Variants in ERBB4 observed in about 807,000 individuals in gnomAD.
ERBB4 encodes the protein erb-b2 receptor tyrosine kinase 4, also known as receptor tyrosine-protein kinase erbB-4.
In ERBB4, 42 loss-of-function variants were observed where a neutral mutation model predicts 158.0. The observed-to-expected ratio is 0.27, with a 90% confidence interval of 0.21 to 0.34. ERBB4 has a LOEUF of 0.34. ERBB4 is among the 10% of genes least tolerant of loss of function. The pLI, the probability that ERBB4 is intolerant of heterozygous loss-of-function variation, is 1.00. For missense variants in ERBB4, 1,333 were observed against 1,624.1 expected (o/e 0.82, Z 3.08); for synonymous variants, 583 against 558.7 (o/e 1.04, Z -0.61).
intron 3 of ERBB4, among the ~76,000 whole-genome samples, chr2:211,936,997 CTATGT>C (rs1224574238): frequency 6.6e-6 from 1 of 152,058 alleles, no homozygotes; most frequent in East Asian, 1.9e-4. Flanking sequence ...ATTACAATAG[CTATGT>C]TATAATTCTA....
intron 13 of ERBB4, among the ~76,000 whole-genome samples, chr2:211,676,601 A>T (rs2072082718): frequency 6.6e-6 from 1 of 152,218 alleles, no homozygotes; most frequent in South Asian, 2.1e-4. Flanking sequence ...ATGAAAAATC[A>T]GATACCTTAC....
chr2:211,782,421 A>G (rs2076058534), intron 4 of ERBB4, among the ~76,000 whole-genome samples: 1 of 109,868 alleles, frequency 9.1e-6, no homozygotes, highest in Non-Finnish European at 1.8e-5. Flanking sequence ...GTCACCTAGC[A>G]GCTTAGCTGT....
At chr2:212,151,059 A>T (rs1315153104) in intron 1 of ERBB4, among the ~76,000 whole-genome samples, 1 of 152,088 alleles carries the variant, frequency 6.6e-6, no homozygotes, top group East Asian at 1.9e-4. Flanking sequence ...TCAATATTTC[A>T]TATATTAAAT....
intron 7 of ERBB4, among the ~76,000 whole-genome samples, chr2:211,715,557 C>T (rs1285629904): frequency 6.6e-6 from 1 of 152,138 alleles, no homozygotes; most frequent in East Asian, 1.9e-4. Flanking sequence ...GGGGTGTGAC[C>T]TGGAGGGAGG....
intron 20 of ERBB4, among the ~76,000 whole-genome samples, chr2:211,525,559 T>C (rs1463576698): frequency 6.6e-6 from 1 of 152,180 alleles, no homozygotes; most frequent in East Asian, 1.9e-4. Flanking sequence ...TAGTATGCCA[T>C]GGGCCTTAGA....
At chr2:212,192,941 T>C (rs1332051583) in intron 1 of ERBB4, among the ~76,000 whole-genome samples, 1 of 152,162 alleles carries the variant, frequency 6.6e-6, no homozygotes, top group Non-Finnish European at 1.5e-5. Context: ...CTAAACCGTA[T>C]TGATCCAAGA....
rs192988581 is a variant in ERBB4 at position 211,620,628 on chromosome 2, C to T, written c.2203-1353G>A. 8.0e-4 allele frequency among the ~76,000 whole-genome samples: 121 copies of T among 151,872 alleles called. 1 individual carries two copies. Among genetic ancestry groups the T allele is most frequent in the African/African-American group, 2.8e-3 (114 of 41,420 alleles). On this transcript the variant is annotated intron_variant, in intron 18 of 27. Transcript: ENST00000342788. ...GCAAAATAATAAGCCAAGTTCCTTG[C>T]AAAAAATTAAAAAGAAAATAAAGCA...
At chr2:212,015,041 AATATATATATATATATATATATATATAT>A (rs58361195) in intron 2 of ERBB4, among the ~76,000 whole-genome samples, 2 of 9,202 alleles carry the variant, frequency 2.2e-4, no homozygotes, top group Admixed American at 2.8e-3. Flanking sequence ...AAAAAAAAAA[AATATATATATATATATATATATATATAT>A]ATATATATAT....
At chr2:212,537,214 G>T (rs1465384340) in intron 1 of ERBB4, among the ~76,000 whole-genome samples, 1 of 152,034 alleles carries the variant, frequency 6.6e-6, no homozygotes, top group East Asian at 1.9e-4. Flanking sequence ...CCCTCCGGGG[G>T]CCTAAAGCGC....
At chr2:212,101,348 T>TACATATATATATATAC (rs1487587628) in intron 2 of ERBB4, among the ~76,000 whole-genome samples, 3 of 94,306 alleles carry the variant, frequency 3.2e-5, no homozygotes, top group South Asian at 2.9e-4. Flanking sequence ...ACACACCCTA[T>TACATATATATATATAC]ACATATATAT....
intron 20 of ERBB4, among the ~76,000 whole-genome samples, chr2:211,450,016 T>C (rs577789158): frequency 6.6e-6 from 1 of 152,340 alleles, no homozygotes; most frequent in African/African-American, 2.4e-5. Flanking sequence ...CTATTATTAT[T>C]TCCATTTTAC....
chr2:212,443,584 T>C (rs543495635), intron 1 of ERBB4, among the ~76,000 whole-genome samples: 5 of 152,312 alleles, frequency 3.3e-5, no homozygotes, highest in South Asian at 4.1e-4. Context: ...GGCCAATTTA[T>C]TGAATGACCA....
intron 3 of ERBB4, among the ~76,000 whole-genome samples, chr2:211,803,250 C>T (rs1444970741): frequency 1.3e-5 from 2 of 152,142 alleles, no homozygotes; most frequent in Non-Finnish European, 2.9e-5. Context: ...CATTATTATT[C>T]ATTTTCAATA....
intron 2 of ERBB4, among the ~76,000 whole-genome samples, chr2:212,079,921 T>C (rs1280947967): frequency 2.6e-5 from 4 of 152,120 alleles, no homozygotes; most frequent in Admixed American, 6.6e-5. Flanking sequence ...TAGGATTATA[T>C]AGTAGACTTT....
chr2:212,250,610 T>G (rs765749776), intron 1 of ERBB4, among the ~76,000 whole-genome samples: 12 of 152,010 alleles, frequency 7.9e-5, no homozygotes, highest in Non-Finnish European at 1.5e-4. Flanking sequence ...TGATACCATC[T>G]GAATTGATAA....
intron 2 of ERBB4, among the ~76,000 whole-genome samples, chr2:212,061,192 C>T (rs1251175098): frequency 6.6e-6 from 1 of 151,634 alleles, no homozygotes; most frequent in East Asian, 1.9e-4. Context: ...TGCAGTGGTT[C>T]ATGCCTGTAA....
intron 2 of ERBB4, among the ~76,000 whole-genome samples, chr2:212,099,144 A>AAAATAAATAAATAAAT (rs59327182): frequency 7.0e-6 from 1 of 142,972 alleles, no homozygotes; most frequent in Non-Finnish European, 1.5e-5. Flanking sequence ...GCCCCTCTCT[A>AAAATAAATAAATAAAT]AAATAAATAA....
intron 1 of ERBB4, among the ~76,000 whole-genome samples, chr2:212,423,238 A>G (rs1574891155): frequency 6.6e-6 from 1 of 152,186 alleles, no homozygotes; most frequent in East Asian, 1.9e-4. Context: ...ACAATTAGTC[A>G]TATGGGCTGA....
intron 1 of ERBB4, among the ~76,000 whole-genome samples, chr2:212,310,501 T>G (rs982745916): frequency 1.3e-5 from 2 of 150,788 alleles, no homozygotes; most frequent in African/African-American, 4.8e-5. Flanking sequence ...TACATAGGCA[T>G]GTGTTTGAAA....
Sources: allele counts gnomAD v4.1 joint callset (sites outside exome capture counted in the v4.1 genomes callset), GRCh38; gene constraint gnomAD v4.1.1; transcripts MANE v1.5; gene names NCBI Gene and HGNC (gene_info 2026-07-23, HGNC 2026-07-21).